TECRL: variants seen among roughly 807,000 people sequenced by gnomAD.
The protein encoded by TECRL is trans-2,3-enoyl-CoA reductase-like.
TECRL carries 63 observed loss-of-function variants against 52.8 expected under a neutral mutation model. The ratio of observed to expected loss-of-function variants is 1.19; its 90% CI spans 0.97 to 1.47. The LOEUF (loss-of-function observed/expected upper bound fraction) is 1.47. Ranked by LOEUF, TECRL falls within the 40% of genes most tolerant of loss-of-function variation. The pLI is 0.00. For synonymous variants in TECRL, 164 were observed against 141.9 expected, an observed-to-expected ratio of 1.16 and a Z score of -1.10; for missense variants, 482 against 429.6, an observed-to-expected ratio of 1.12 and a Z score of -1.08.
At chr4:64,306,838 T>C (rs895798151) in intron 6 of TECRL, among the ~76,000 whole-genome samples, 2 of 152,198 alleles carry the variant, frequency 1.3e-5, no homozygotes, top group African/African-American at 4.8e-5. Context: ...AGGAGGCTTA[T>C]TTTGAGGGAT....
chr4:64,374,505 C>T (rs1350246933), intron 2 of TECRL, among the ~76,000 whole-genome samples: 1 of 151,856 alleles, frequency 6.6e-6, no homozygotes, highest in Non-Finnish European at 1.5e-5. Context: ...TGGTGTGCTG[C>T]ACCCATTAAC....
chr4:64,336,636 T>C (rs542201819), intron 2 of TECRL, among the ~76,000 whole-genome samples: 1 of 152,330 alleles, frequency 6.6e-6, no homozygotes, highest in South Asian at 2.1e-4. Context: ...CTTTCTCTTG[T>C]GGGCATTTAG....
intron 10 of TECRL, 134 bp downstream of exon 10, chr4:64,281,340 T>C (rs1378251408): frequency 2.3e-5 from 14 of 619,008 alleles, no homozygotes; most frequent in Non-Finnish European, 1.4e-5. Context: ...TCTATTTTGT[T>C]ATACCATGAT....
intron 6 of TECRL, 127 bp from the exon 7 acceptor site, chr4:64,305,365 G>A (rs1577837947): frequency 1.4e-6 from 1 of 698,356 alleles, no homozygotes; most frequent in East Asian, 2.8e-5. Context: ...ATTAGACACT[G>A]CAGCATTTAT....
chr4:64,298,072 G>T lies in TECRL; in HGVS notation c.774+1902C>A, dbSNP rs370858419. Among the ~76,000 whole-genome samples, 5 of 150,756 alleles carry T rather than the reference G, an allele frequency of 3.3e-5. No homozygotes were observed. In the East Asian group the frequency reaches 7.7e-4, roughly 23 times the overall value. ...GGTTTTCACCTATGCTTAATATTAT[G>T]CTATGTATAATTAAAAGCACAGGTT... On this transcript the variant is annotated intron_variant, in intron 8 of 11. Transcript: ENST00000381210.
At chr4:64,281,182 T>G in intron 10 of TECRL, 96 bp from the exon 11 acceptor site, 1 of 811,002 alleles carries the variant, frequency 1.2e-6, no homozygotes, top group South Asian at 2.2e-5. Flanking sequence ...CTTAAAATAT[T>G]AGAAAACTTA....
chr4:64,341,717 G>A (rs1057383222), intron 2 of TECRL, among the ~76,000 whole-genome samples: 3 of 152,162 alleles, frequency 2.0e-5, no homozygotes, highest in Non-Finnish European at 2.9e-5. Context: ...TCCAGAGCCA[G>A]GCCTGTGACT....
chr4:64,277,515 T>C (rs1390460458), downstream of TECRL, among the ~76,000 whole-genome samples: 2 of 151,836 alleles, frequency 1.3e-5, no homozygotes, highest in African/African-American at 4.8e-5. Context: ...ATAGTATGCT[T>C]TGGGAATTAT....
intron 2 of TECRL, among the ~76,000 whole-genome samples, chr4:64,342,569 GTCCACA>G (rs1387982234): frequency 6.6e-6 from 1 of 151,998 alleles, no homozygotes; most frequent in Non-Finnish European, 1.5e-5. Context: ...ACCAAAGTCT[GTCCACA>G]TTCACTGTGT....
chr4:64,409,435 A>G lies in TECRL; in HGVS notation c.-84T>C. The G allele has an allele frequency of 1.3e-6, 2 of 1,535,640 alleles. No individual in the cohort carries two copies. Among genetic ancestry groups the G allele is most frequent in the Non-Finnish European group, 1.7e-6 (2 of 1,145,418 alleles). Reference sequence around the variant, plus strand: ...TTTTGCATCAGTTAAATACTGCTGGAGAACCTTTGAAAGGTCAAATGGTAT... The same window carrying G: ...TTTTGCATCAGTTAAATACTGCTGGGGAACCTTTGAAAGGTCAAATGGTAT... On this transcript the variant is annotated 5_prime_UTR_variant, in exon 1 of 12. Transcript: ENST00000381210.
intron 9 of TECRL, among the ~76,000 whole-genome samples, chr4:64,288,415 C>A (rs1300993510): frequency 6.6e-6 from 1 of 152,122 alleles, no homozygotes; most frequent in Non-Finnish European, 1.5e-5. Context: ...GACCGTTCTA[C>A]AGTCCTCAGG....
At chr4:64,406,163 CGCGTGT>C (rs1560566415) in intron 1 of TECRL, among the ~76,000 whole-genome samples, 3 of 149,254 alleles carry the variant, frequency 2.0e-5, no homozygotes, top group African/African-American at 7.4e-5. Flanking sequence ...CGCGCGCGCG[CGCGTGT>C]GTGTGTGTGT....
intron 2 of TECRL, among the ~76,000 whole-genome samples, chr4:64,359,801 A>G (rs892576356): frequency 4.6e-5 from 7 of 152,098 alleles, no homozygotes; most frequent in Non-Finnish European, 8.8e-5. Flanking sequence ...CACCATTTAT[A>G]TGAGTATCCG....
rs1046394622 is a variant in TECRL, at chr4:64,405,899, C to T, written c.234+3219G>A. On this transcript the variant is annotated intron_variant, in intron 1 of 11. Transcript: ENST00000381210. ...AACAGTGGAAAATGTTGTTGATATA[C>T]CCAGTAAGATAAGACGTGAGAATAG... Among the ~76,000 whole-genome samples, 4 of 151,966 alleles carry T rather than the reference C, an allele frequency of 2.6e-5. No homozygotes were observed. In the East Asian group the frequency reaches 7.7e-4, roughly 29 times the overall value.
At chr4:64,293,507 A>G (rs1385265161) in intron 8 of TECRL, among the ~76,000 whole-genome samples, 1 of 152,118 alleles carries the variant, frequency 6.6e-6, no homozygotes, top group Non-Finnish European at 1.5e-5. Context: ...AATATATGGG[A>G]TTTCAGCAAT....
intron 11 of TECRL, among the ~76,000 whole-genome samples, chr4:64,280,742 G>A (rs1390150361): frequency 6.6e-6 from 1 of 152,086 alleles, no homozygotes; most frequent in African/African-American, 2.4e-5. Context: ...CTGTGCACAT[G>A]CACAAGAAGT....
At chr4:64,346,912 G>A (rs966689059) in intron 2 of TECRL, among the ~76,000 whole-genome samples, 3 of 152,086 alleles carry the variant, frequency 2.0e-5, no homozygotes, top group African/African-American at 7.2e-5. Flanking sequence ...AAAATTTATC[G>A]CTACTGTTTT....
chr4:64,393,358 G>T (rs1382748563), intron 1 of TECRL, among the ~76,000 whole-genome samples: 8 of 151,908 alleles, frequency 5.3e-5, no homozygotes, highest in Admixed American at 5.3e-4. Flanking sequence ...ATGTGATTTT[G>T]ACTGCAAAGG....
At chr4:64,345,907 C>CAAAAAAAAAGAAAAAA (rs1719925707) in intron 2 of TECRL, among the ~76,000 whole-genome samples, 1 of 23,350 alleles carries the variant, frequency 4.3e-5, no homozygotes, top group Non-Finnish European at 6.8e-5. Flanking sequence ...GCCTCAACAG[C>CAAAAAAAAAGAAAAAA]AAAAAAAAAA....
Sources: gnomAD v4.1 joint callset for allele counts (sites outside exome capture counted in the v4.1 genomes callset) on GRCh38, gnomAD v4.1.1 for gene constraint, MANE v1.5 for transcripts, NCBI Gene and HGNC (gene_info 2026-07-23, HGNC 2026-07-21) for gene names.